COLGALT2: variants seen among roughly 807,000 people sequenced by gnomAD.
COLGALT2 encodes the protein procollagen galactosyltransferase 2.
Under a neutral mutation model 73.4 loss-of-function variants are expected in COLGALT2, and 49 were observed. The observed-to-expected ratio is 0.67, with a 90% CI of 0.53 to 0.85. COLGALT2 has a LOEUF of 0.85. COLGALT2 is among the 40% of genes least tolerant of loss of function. COLGALT2 has a pLI of 0.00. For missense variants in COLGALT2, 722 were observed against 790.2 expected (o/e 0.91, Z 1.03); for synonymous variants, 295 against 307.6 (o/e 0.96, Z 0.43).
chr1:184,017,588 T>G (rs1649045389), intron 1 of COLGALT2, among the ~76,000 whole-genome samples: 1 of 152,170 alleles, frequency 6.6e-6, no homozygotes, highest in African/African-American at 2.4e-5. Flanking sequence ...CACAGATACG[T>G]CCAGGGCCAC....
In COLGALT2 at chr1:184,037,382, G is replaced by A. The variant is rs200837212; in HGVS notation, c.-25C>T. ...TGTTCCGGGCCGAGGCGGGCGGCGG[G>A]GAAGTCCTGGCGCGAGCGCCCGGCT... is the stretch of plus-strand genomic sequence containing the variant. On this transcript the variant is annotated 5_prime_UTR_variant, in exon 1 of 12. Transcript: ENST00000361927. 1.9e-3 allele frequency: 2,702 copies of A among 1,387,310 alleles called. 39 individuals are homozygous for A. The African/African-American group carries it at 0.036, about 19-fold the overall frequency. 85.9% of individuals were successfully genotyped at this position (1,387,310 alleles called of 1,614,324 possible).
chr1:183,974,295 A>C (rs1294582510), intron 3 of COLGALT2, among the ~76,000 whole-genome samples: 2 of 152,248 alleles, frequency 1.3e-5, no homozygotes, highest in African/African-American at 4.8e-5. Context: ...ATTTATTTAG[A>C]GACAGTATAA....
chr1:183,973,467 C>T, intron 4 of COLGALT2, 149 bp downstream of exon 4: 2 of 931,502 alleles, frequency 2.1e-6, no homozygotes, highest in Non-Finnish European at 3.3e-6. Context: ...CCCAGATTTA[C>T]TGCCCTTCCT....
In COLGALT2 at chr1:183,936,771, T is replaced by A; in HGVS notation, c.*1990A>T. On this transcript the variant is annotated 3_prime_UTR_variant, in exon 12 of 12. Coordinates refer to ENST00000361927, the MANE Select transcript of COLGALT2 (RefSeq NM_015101.4). ...GGGTGGGTGGGAAAGGAAGTCACAC[T>A]GACAGCTAAGTCTAAGCGGCACAAT... is the stretch of plus-strand genomic sequence containing the variant. 1 of 1,231,470 alleles carries A rather than the reference T, an allele frequency of 8.1e-7. No individual in the cohort carries two copies. Among genetic ancestry groups the A allele is most frequent in the Non-Finnish European group, 1.0e-6 (1 of 987,938 alleles). 76.3% of individuals were successfully genotyped at this position (1,231,470 alleles called of 1,614,324 possible).
intron 1 of COLGALT2, among the ~76,000 whole-genome samples, chr1:183,987,395 G>A (rs1383160002): frequency 1.3e-5 from 2 of 152,206 alleles, no homozygotes; most frequent in African/African-American, 2.4e-5. Flanking sequence ...GTACTAAAGA[G>A]AAGACACAGC....
At chr1:184,036,115 A>G (rs1237337769) in intron 1 of COLGALT2, among the ~76,000 whole-genome samples, 1 of 152,182 alleles carries the variant, frequency 6.6e-6, no homozygotes. Context: ...TCAGGGGGCC[A>G]GAGTCTTCTT....
At chr1:183,964,603 C>A (rs1393839483) in intron 5 of COLGALT2, 2 of 152,370 alleles carry the variant, frequency 1.3e-5, no homozygotes, top group Non-Finnish European at 2.9e-5. Context: ...CTTCCAAAAT[C>A]AGTTCATATA....
chr1:183,981,858 T>G (rs1454542495), intron 1 of COLGALT2, among the ~76,000 whole-genome samples: 1 of 152,204 alleles, frequency 6.6e-6, no homozygotes, highest in Non-Finnish European at 1.5e-5. Flanking sequence ...ACAGTGGAAC[T>G]CTATTTAGAT....
At chr1:183,993,352 G>T (rs1391022202) in intron 1 of COLGALT2, among the ~76,000 whole-genome samples, 1 of 152,212 alleles carries the variant, frequency 6.6e-6, no homozygotes, top group Non-Finnish European at 1.5e-5. Context: ...GGAAATATCT[G>T]GCCAGGACAG....
chr1:183,942,358 A>G (rs2102788966), intron 10 of COLGALT2, among the ~76,000 whole-genome samples: 1 of 152,306 alleles, frequency 6.6e-6, no homozygotes, highest in South Asian at 2.1e-4. Flanking sequence ...AAGGTAAACT[A>G]TGTCATTAAT....
In COLGALT2 at chr1:183,939,052, G is replaced by A; in HGVS notation, c.1605-15C>T. On this transcript the variant is annotated splice_polypyrimidine_tract_variant and intron_variant, in intron 11 of 11. Transcript: ENST00000361927. ...TGTACTCGGCTCTGAAAACAAGAAG[G>A]TGGCCGGACACATGAGGGGGCGGAA... The A allele has an allele frequency of 6.2e-7, 1 of 1,601,168 alleles. No individual in the cohort carries two copies. The highest frequency in any genetic ancestry group is 8.6e-7 in the Non-Finnish European group (1 of 1,169,346).
intron 1 of COLGALT2, among the ~76,000 whole-genome samples, chr1:184,000,606 C>A (rs1215392671): frequency 7.1e-6 from 1 of 141,636 alleles, no homozygotes; most frequent in Non-Finnish European, 1.5e-5. Context: ...TAAGATCCAC[C>A]CACGTGTTTA....
chr1:183,959,030 T>G (rs1670626891), intron 6 of COLGALT2, among the ~76,000 whole-genome samples: 2 of 152,122 alleles, frequency 1.3e-5, no homozygotes, highest in African/African-American at 2.4e-5. Flanking sequence ...TTCTCATCAT[T>G]GCACTGAAGT....
rs186115120 is a variant in COLGALT2 at position 184,034,503 on chromosome 1, T to G, written c.263+2592A>C. On this transcript the variant is annotated intron_variant, in intron 1 of 11. Coordinates refer to ENST00000361927, the MANE Select transcript of COLGALT2 (RefSeq NM_015101.4). The stretch of plus-strand genomic sequence containing the variant: ...AAAAGCCATTCAGATCACCTTACAC[T>G]GCCCAGTAAAATGAATCATATTTAT... Among the ~76,000 whole-genome samples the G allele has an allele frequency of 8.2e-4, 124 of 151,798 alleles. 3 individuals are homozygous for G. The East Asian group carries it at 0.019, about 24-fold the overall frequency.
chr1:183,937,937 G>A lies in COLGALT2; in HGVS notation c.*824C>T. 14 of 985,372 alleles carry A rather than the reference G, an allele frequency of 1.4e-5. No homozygotes were observed. The highest frequency in any genetic ancestry group is 1.7e-5 in the Non-Finnish European group (14 of 829,930). The allele number at this position is 985,372 out of a possible 1,614,324, so 61.0% of individuals were successfully genotyped here. ...CAGCGCGCAAACCCGGGACAGGGCA[G>A]GATGCACAGCCAGTCCTCACCCTTT... On this transcript the variant is annotated 3_prime_UTR_variant, in exon 12 of 12. Transcript: ENST00000361927.
intron 1 of COLGALT2, among the ~76,000 whole-genome samples, chr1:184,011,632 G>A (rs1648794305): frequency 6.6e-6 from 1 of 152,164 alleles, no homozygotes; most frequent in Non-Finnish European, 1.5e-5. Context: ...TGGTCAGGGA[G>A]CATTCTCTTA....
intron 1 of COLGALT2, among the ~76,000 whole-genome samples, chr1:183,978,775 A>C (rs1009378690): frequency 6.6e-6 from 1 of 152,250 alleles, no homozygotes; most frequent in Non-Finnish European, 1.5e-5. Context: ...GGTTGCATTA[A>C]TAAATAAACA....
chr1:183,942,251 TTTAC>T (rs1272740142), intron 10 of COLGALT2, among the ~76,000 whole-genome samples: 1 of 152,098 alleles, frequency 6.6e-6, no homozygotes, highest in East Asian at 1.9e-4. Context: ...CCCAGCCCAG[TTTAC>T]TTAAACAGCT....
At chr1:183,945,798 G>A in intron 8 of COLGALT2, 1 of 528,880 alleles carries the variant, frequency 1.9e-6, no homozygotes, top group South Asian at 2.8e-5. Flanking sequence ...GCCCAACATA[G>A]TTCTAAGCAT....
Sources: allele counts gnomAD v4.1 joint callset (sites outside exome capture counted in the v4.1 genomes callset), GRCh38; gene constraint gnomAD v4.1.1; transcripts MANE v1.5; gene names NCBI Gene and HGNC (gene_info 2026-07-23, HGNC 2026-07-21).